Variants in HIBCH observed in about 807,000 individuals in gnomAD.
The protein encoded by HIBCH is 3-hydroxyisobutyryl-CoA hydrolase, also known as 3-hydroxyisobutyryl-CoA hydrolase, mitochondrial.
A neutral mutation model predicts 58.2 loss-of-function variants in HIBCH; 50 were observed. The observed-to-expected ratio is 0.86, with a 90% CI of 0.68 to 1.09. The LOEUF (loss-of-function observed/expected upper bound fraction) is 1.09, where lower values mean the gene tolerates loss of function less well. Ranked by LOEUF, HIBCH falls within the 50% of genes least tolerant of loss-of-function variation. HIBCH has a pLI of 0.00. For missense variants in HIBCH, 450 were observed against 449.7 expected (o/e 1.00, Z -0.01); for synonymous variants, 151 against 146.9 (o/e 1.03, Z -0.20).
chr2:190,276,235 G>A (rs1054377290), intron 6 of HIBCH, among the ~76,000 whole-genome samples: 11 of 152,140 alleles, frequency 7.2e-5, no homozygotes, highest in African/African-American at 2.2e-4. Context: ...AAGCTTTAGC[G>A]GAAAAAGGCC....
intron 7 of HIBCH, among the ~76,000 whole-genome samples, chr2:190,255,958 AGGAG>A (rs1686909829): frequency 6.6e-6 from 1 of 152,160 alleles, no homozygotes; most frequent in Non-Finnish European, 1.5e-5. Flanking sequence ...CAAATGGCTA[AGGAG>A]GCCTCAGGAA....
chr2:190,202,350 C>T (rs1156889974), downstream of HIBCH: 1 of 166,928 alleles, frequency 6.0e-6, no homozygotes, highest in African/African-American at 2.4e-5. Flanking sequence ...TAACCCATGA[C>T]ATATATGAAC....
chr2:190,225,362 T>C (rs548181259), intron 11 of HIBCH, among the ~76,000 whole-genome samples: 2 of 152,152 alleles, frequency 1.3e-5, no homozygotes, highest in South Asian at 2.1e-4. Flanking sequence ...ACAAAATTGA[T>C]AGACAGCTAG....
chr2:190,269,990 A>G (rs376201094), intron 6 of HIBCH, among the ~76,000 whole-genome samples: 1 of 151,948 alleles, frequency 6.6e-6, no homozygotes, highest in South Asian at 2.1e-4. Context: ...AACCAAATGT[A>G]TGTTCTCATA....
At chr2:190,239,041 A>T (rs1686370880) in intron 11 of HIBCH, among the ~76,000 whole-genome samples, 1 of 152,166 alleles carries the variant, frequency 6.6e-6, no homozygotes, top group South Asian at 2.1e-4. Flanking sequence ...GTCTTTGCCC[A>T]TGACTATGTC....
chr2:190,287,114 T>G (rs1322486686), intron 6 of HIBCH, among the ~76,000 whole-genome samples: 1 of 151,018 alleles, frequency 6.6e-6, no homozygotes, highest in Non-Finnish European at 1.5e-5. Flanking sequence ...CAGGCTGGAG[T>G]GCAGTGGTGC....
intron 6 of HIBCH, among the ~76,000 whole-genome samples, chr2:190,270,258 GT>G (rs1687354648): frequency 7.9e-6 from 1 of 126,606 alleles, no homozygotes; most frequent in African/African-American, 3.0e-5. Flanking sequence ...AATAAATTTA[GT>G]TATTACACCT....
In HIBCH at chr2:190,312,945, A is replaced by ATT. The variant is rs1688597078; in HGVS notation, c.36-2150_36-2149insAA. On this transcript the variant is annotated intron_variant, in intron 1 of 13. Transcript: ENST00000359678. ...GAAACCCCGTTTCCACTAAAAGTAC[A>ATT]AAAATTAGCCAGGCATGGTGGTGGG... Among the ~76,000 whole-genome samples the ATT allele has an allele frequency of 5.3e-5, 8 of 152,324 alleles. No homozygotes were observed. The South Asian group carries it at 1.4e-3, about 28-fold the overall frequency.
chr2:190,241,244 T>A (rs973541554), intron 11 of HIBCH, among the ~76,000 whole-genome samples: 1 of 152,190 alleles, frequency 6.6e-6, no homozygotes, highest in Non-Finnish European at 1.5e-5. Flanking sequence ...TCTTTTTTGA[T>A]TGCTTTTGGT....
chr2:190,272,848 T>C (rs984824841), intron 6 of HIBCH, among the ~76,000 whole-genome samples: 1 of 151,544 alleles, frequency 6.6e-6, no homozygotes, highest in Non-Finnish European at 1.5e-5. Context: ...GGCTAAAGGG[T>C]AGATGGAAAT....
At chr2:190,234,303 A>C (rs1219547307) in intron 11 of HIBCH, among the ~76,000 whole-genome samples, 2 of 152,230 alleles carry the variant, frequency 1.3e-5, no homozygotes, top group Non-Finnish European at 2.9e-5. Flanking sequence ...TTATAGCACT[A>C]CTTCTGGGTA....
rs182643811 is a variant in HIBCH, at chr2:190,315,108, C to A, written c.36-4312G>T. ...GACTACAGGTGCCTGCCACCATGCC[C>A]GGCTAATTTTTTGTATTTTTAGTAG... is the stretch of plus-strand genomic sequence containing the variant. On this transcript the variant is annotated intron_variant, in intron 1 of 13. Transcript: ENST00000359678. This position sits in a 1 kb window ranked among gnomAD's most constrained non-coding sequence, Gnocchi z 5.4. 1.1e-4 allele frequency among the ~76,000 whole-genome samples: 17 copies of A among 152,014 alleles called. No individual in the cohort carries two copies. Among genetic ancestry groups the A allele is most frequent in the African/African-American group, 3.6e-4 (15 of 41,472 alleles).
chr2:190,241,759 ATTCTT>A (rs1372132461), intron 11 of HIBCH, among the ~76,000 whole-genome samples: 4 of 152,140 alleles, frequency 2.6e-5, no homozygotes, highest in Admixed American at 1.3e-4. Context: ...TGGGTTGAAA[ATTCTT>A]TTCTTCAAGA....
At chr2:190,299,337 A>G (rs776163360) in intron 2 of HIBCH, among the ~76,000 whole-genome samples, 2 of 152,232 alleles carry the variant, frequency 1.3e-5, no homozygotes, top group South Asian at 2.1e-4. Flanking sequence ...AAATAGAAAT[A>G]ATTTATATTC....
At chr2:190,264,011 T>C (rs1047134376) in intron 6 of HIBCH, among the ~76,000 whole-genome samples, 9 of 152,188 alleles carry the variant, frequency 5.9e-5, no homozygotes, top group Non-Finnish European at 1.2e-4. Context: ...TTATCCTCTC[T>C]TGCCCAGGCT....
At position 190,306,077 on chromosome 2, in the gene HIBCH, A is replaced by C. The variant is rs1367364163; in HGVS notation, c.78+4677T>G. On this transcript the variant is annotated intron_variant, in intron 2 of 13. Transcript: ENST00000359678. The surrounding 1 kb of genome is among the most constrained non-coding windows in gnomAD (Gnocchi z 4.6). ...GGTCATCTTCCCATGTCACTACTAC[A>C]GATAAAGCTGTCTTATTTTTTTTCT... Among the ~76,000 whole-genome samples, 1 of 152,200 alleles carries C rather than the reference A, an allele frequency of 6.6e-6. No homozygotes were observed. Among genetic ancestry groups the C allele is most frequent in the African/African-American group, 2.4e-5 (1 of 41,450 alleles).
chr2:190,297,174 C>A (rs12471365), intron 2 of HIBCH, among the ~76,000 whole-genome samples: 2 of 152,292 alleles, frequency 1.3e-5, no homozygotes, highest in South Asian at 4.1e-4. Flanking sequence ...TCTGAGCTAA[C>A]TGAATAAGCT....
rs1690497084 is a variant in HIBCH, at chr2:190,210,745, G to A, written c.1012-1832C>T. 6.6e-6 allele frequency among the ~76,000 whole-genome samples: 1 copy of A among 152,058 alleles called. No individual in the cohort carries two copies. The highest frequency in any genetic ancestry group is 6.5e-5 in the Admixed American group (1 of 15,270). On this transcript the variant is annotated intron_variant, in intron 12 of 13. Coordinates refer to ENST00000359678, the MANE Select transcript of HIBCH (RefSeq NM_014362.4). This position sits in a 1 kb window ranked among gnomAD's most constrained non-coding sequence, Gnocchi z 5.5. ...CGGCCTCTTTGTGGTCCCTAGCACAGGCAGTCATGCTCCAGCCTCACAGCT... is the reference window on the plus strand; with the variant it reads ...CGGCCTCTTTGTGGTCCCTAGCACAAGCAGTCATGCTCCAGCCTCACAGCT...
chr2:190,257,356 G>A (rs1686955109), intron 7 of HIBCH, among the ~76,000 whole-genome samples: 1 of 152,058 alleles, frequency 6.6e-6, no homozygotes, highest in East Asian at 1.9e-4. Flanking sequence ...TTCACCTGAG[G>A]AAATGAAAGA....
Sources: allele counts gnomAD v4.1 joint callset (sites outside exome capture counted in the v4.1 genomes callset), GRCh38; gene constraint gnomAD v4.1.1; non-coding constraint Gnocchi (gnomAD v3.1); transcripts MANE v1.5; gene names NCBI Gene and HGNC (gene_info 2026-07-23, HGNC 2026-07-21).